The following CEP162 variants were observed in gnomAD, a reference collection of about 807,000 sequenced individuals.
CEP162 encodes the protein centrosomal protein 162.
A neutral mutation model predicts 169.2 loss-of-function variants in CEP162; 141 were observed. That is an observed-to-expected ratio of 0.83 (90% CI 0.73 to 0.96). CEP162 has a LOEUF of 0.96. Among genes scored for constraint, CEP162 ranks in the 40% least tolerant of loss-of-function variants. CEP162 has a pLI of 0.00. For synonymous variants in CEP162, 540 were observed against 526.4 expected, an observed-to-expected ratio of 1.03 and a Z score of -0.35; for missense variants, 1,600 against 1,587.2, an observed-to-expected ratio of 1.01 and a Z score of -0.14.
chr6:84,199,565 A>G (rs1490159204), intron 9 of CEP162, among the ~76,000 whole-genome samples: 1 of 151,972 alleles, frequency 6.6e-6, no homozygotes, highest in Non-Finnish European at 1.5e-5. Flanking sequence ...AAGCAAAAAA[A>G]AAAAAAAAAG....
At chr6:84,169,459 T>G (rs938649895) in intron 17 of CEP162, 26 bp from the exon 18 acceptor site, 114 of 1,413,962 alleles carry the variant, frequency 8.1e-5, no homozygotes, top group Non-Finnish European at 1.0e-4. Context: ...AATAAAAAGT[T>G]GTTTTTCTTT....
At chr6:84,196,212 C>T (rs2099542068) in intron 9 of CEP162, among the ~76,000 whole-genome samples, 1 of 152,100 alleles carries the variant, frequency 6.6e-6, no homozygotes, top group Non-Finnish European at 1.5e-5. Context: ...CTGTGTTGTT[C>T]TCATGATAGT....
intron 25 of CEP162, among the ~76,000 whole-genome samples, chr6:84,141,469 G>A (rs1377790937): frequency 1.3e-5 from 2 of 152,042 alleles, no homozygotes; most frequent in Admixed American, 6.6e-5. Flanking sequence ...CCAACTGCCT[G>A]ATGTTGATCT....
At chr6:84,155,075 G>A (rs2099522623) in intron 22 of CEP162, among the ~76,000 whole-genome samples, 1 of 152,124 alleles carries the variant, frequency 6.6e-6, no homozygotes. Context: ...GAGAGATGAT[G>A]TAAAGATTAT....
intron 13 of CEP162, among the ~76,000 whole-genome samples, chr6:84,177,564 C>T (rs1294391619): frequency 6.6e-6 from 1 of 152,134 alleles, no homozygotes; most frequent in Non-Finnish European, 1.5e-5. Context: ...GAGACAGCAT[C>T]TTGCTTTGTT....
At chr6:84,158,032 T>C (rs9449811) in intron 21 of CEP162, among the ~76,000 whole-genome samples, 7,334 of 152,298 alleles carry the variant, frequency 0.048, 607 homozygotes, top group African/African-American at 0.17. Flanking sequence ...TATTATATAA[T>C]GAAAGAAACA....
At chr6:84,184,613 ACT>A (rs770590244) in intron 13 of CEP162, among the ~76,000 whole-genome samples, 1 of 151,240 alleles carries the variant, frequency 6.6e-6, no homozygotes, top group Non-Finnish European at 1.5e-5. Flanking sequence ...TTCCAACCTC[ACT>A]CTGTTTCCTT....
At chr6:84,217,560 C>A (rs2099552052) in intron 3 of CEP162, among the ~76,000 whole-genome samples, 1 of 152,122 alleles carries the variant, frequency 6.6e-6, no homozygotes. Flanking sequence ...GAAAGGTAGT[C>A]TAAGTTGGGA....
At chr6:84,137,308 T>A (rs1267597072) in intron 25 of CEP162, among the ~76,000 whole-genome samples, 2 of 152,186 alleles carry the variant, frequency 1.3e-5, no homozygotes, top group African/African-American at 4.8e-5. Context: ...TACTTGAACA[T>A]GCTAGCGAGC....
At position 84,162,455 on chromosome 6, in the gene CEP162, T is replaced by C. The variant is rs543788901; in HGVS notation, c.2513-546A>G. 1.2e-4 allele frequency among the ~76,000 whole-genome samples: 19 copies of C among 152,286 alleles called. No individual in the cohort carries two copies. In the East Asian group the frequency reaches 3.7e-3, roughly 29 times the overall value. On this transcript the variant is annotated intron_variant, in intron 19 of 26. Coordinates refer to ENST00000403245, the MANE Select transcript of CEP162 (RefSeq NM_014895.4). ...GGATTTCTCTGCACATATCTTACAC[T>C]GAAGCTCATAATACTGCAGAGGAAA...
rs1458153419 is a variant in CEP162 at position 84,171,700 on chromosome 6, T to TATATAA, written c.2179_2184dup (p.Leu727_Tyr728dup). 2 of 1,489,412 alleles carry TATATAA rather than the reference T, an allele frequency of 1.3e-6. No individual in the cohort carries two copies. The highest frequency in any genetic ancestry group is 1.8e-6 in the Non-Finnish European group (2 of 1,111,072). 92.3% of individuals were successfully genotyped at this position (1,489,412 alleles called of 1,614,324 possible). On this transcript the variant is annotated inframe_insertion, in exon 17 of 27. Coordinates refer to ENST00000403245, the MANE Select transcript of CEP162 (RefSeq NM_014895.4). The stretch of plus-strand genomic sequence containing the variant: ...TGTTCTTGGAGATCTTTTACTTGAT[T>TATATAA]ATATAATCGTTCATTTTCCTTTTTA...
chr6:84,217,436 G>T (rs2099552004), intron 3 of CEP162, among the ~76,000 whole-genome samples: 1 of 152,128 alleles, frequency 6.6e-6, no homozygotes. Context: ...ATGAATACAT[G>T]GGGGAAGAGT....
At chr6:84,182,697 G>T (rs1354764665) in intron 13 of CEP162, among the ~76,000 whole-genome samples, 2 of 152,104 alleles carry the variant, frequency 1.3e-5, no homozygotes, top group African/African-American at 2.4e-5. Flanking sequence ...TAGCCATTGT[G>T]ACAGTTAAGA....
intron 25 of CEP162, among the ~76,000 whole-genome samples, chr6:84,130,115 T>G (rs1444313349): frequency 6.6e-6 from 1 of 152,222 alleles, no homozygotes; most frequent in Non-Finnish European, 1.5e-5. Context: ...TCTATAGAGA[T>G]AATCATATGG....
At chr6:84,134,638 G>A (rs1392534244) in intron 25 of CEP162, among the ~76,000 whole-genome samples, 1 of 152,062 alleles carries the variant, frequency 6.6e-6, no homozygotes, top group Non-Finnish European at 1.5e-5. Flanking sequence ...ATGAGGCAAG[G>A]CCCCACCCTG....
chr6:84,219,458 G>A (rs909652010), intron 3 of CEP162, among the ~76,000 whole-genome samples: 1 of 152,112 alleles, frequency 6.6e-6, no homozygotes, highest in Admixed American at 6.5e-5. Flanking sequence ...TTTCCTGTAG[G>A]ATTAGGTTGT....
chr6:84,194,302 C>A (rs1216584667), intron 10 of CEP162, among the ~76,000 whole-genome samples: 1 of 151,252 alleles, frequency 6.6e-6, no homozygotes, highest in African/African-American at 2.4e-5. Context: ...CTGCTGTGAG[C>A]CGAGATCGTG....
intron 7 of CEP162, among the ~76,000 whole-genome samples, chr6:84,203,738 C>A (rs1206197778): frequency 6.6e-6 from 1 of 152,160 alleles, no homozygotes; most frequent in African/African-American, 2.4e-5. Flanking sequence ...AGGCATGAAC[C>A]ACTGTGCCTG....
At chr6:84,141,244 C>G (rs544826118) in intron 25 of CEP162, among the ~76,000 whole-genome samples, 1 of 137,104 alleles carries the variant, frequency 7.3e-6, no homozygotes. Context: ...GTTTTTATAT[C>G]AAAAAATGAT....
Sources: gnomAD v4.1 joint callset for allele counts (sites outside exome capture counted in the v4.1 genomes callset) on GRCh38, gnomAD v4.1.1 for gene constraint, MANE v1.5 for transcripts, NCBI Gene and HGNC (gene_info 2026-07-23, HGNC 2026-07-21) for gene names.